KLF12: variants seen among roughly 807,000 people sequenced by gnomAD.
KLF12 encodes KLF transcription factor 12.
KLF12 carries 9 observed loss-of-function variants against 37.8 expected under a neutral mutation model. That is an observed-to-expected ratio of 0.24 (90% CI 0.14 to 0.42). KLF12 has a LOEUF of 0.42. Among genes scored for constraint, KLF12 ranks in the 10% least tolerant of loss-of-function variants. The probability of loss-of-function intolerance (pLI) is 1.00; values close to 1 mark genes in which losing one functional copy is unlikely to be tolerated. For missense variants in KLF12, 411 were observed against 516.0 expected, an observed-to-expected ratio of 0.80 and a Z score of 1.97; for synonymous variants, 208 against 202.1, an observed-to-expected ratio of 1.03 and a Z score of -0.25.
intron 1 of KLF12, among the ~76,000 whole-genome samples, chr13:74,059,228 A>C (rs1239697803): frequency 6.6e-6 from 1 of 152,212 alleles, no homozygotes; most frequent in Non-Finnish European, 1.5e-5. Flanking sequence ...TGCTATTGTG[A>C]ATAGTGCTGC....
the KLF12 span, among the ~76,000 whole-genome samples, chr13:74,190,780 C>G: frequency 6.6e-6 from 1 of 152,066 alleles, no homozygotes; most frequent in African/African-American, 2.4e-5. Context: ...TTACATTTTC[C>G]TGATGGAAGT....
At chr13:73,985,471 C>G (rs1891804007) in intron 2 of KLF12, among the ~76,000 whole-genome samples, 1 of 152,138 alleles carries the variant, frequency 6.6e-6, no homozygotes, top group African/African-American at 2.4e-5. Flanking sequence ...GGTGCAAGGC[C>G]GACAACCAGT....
intron 1 of KLF12, among the ~76,000 whole-genome samples, chr13:74,089,863 G>C (rs954905936): frequency 1.2e-4 from 18 of 148,224 alleles, no homozygotes; most frequent in African/African-American, 4.2e-4. Flanking sequence ...AAAGATAGAT[G>C]CTTTACCCCT....
chr13:74,256,015 C>T, the KLF12 span, among the ~76,000 whole-genome samples: 5 of 152,066 alleles, frequency 3.3e-5, no homozygotes, highest in South Asian at 2.1e-4. Context: ...ATTAGCCAGG[C>T]GTGGTGGCGG....
At chr13:74,154,168 G>C in the KLF12 span, among the ~76,000 whole-genome samples, 2 of 151,254 alleles carry the variant, frequency 1.3e-5, no homozygotes, top group South Asian at 4.2e-4. Flanking sequence ...CTGGGAGGCA[G>C]AGGTTGCAGT....
At chr13:73,722,032 C>T (rs1403961275) in intron 6 of KLF12, among the ~76,000 whole-genome samples, 1 of 151,948 alleles carries the variant, frequency 6.6e-6, no homozygotes, top group East Asian at 1.9e-4. Flanking sequence ...GTTGGTTGCA[C>T]GATAGAATTA....
chr13:73,853,260 A>C (rs542576204), intron 3 of KLF12, among the ~76,000 whole-genome samples: 5 of 152,296 alleles, frequency 3.3e-5, no homozygotes, highest in Non-Finnish European at 5.9e-5. Flanking sequence ...TTACTTCCTA[A>C]TAGTTATATT....
chr13:74,059,342 T>C (rs964661137), intron 1 of KLF12, among the ~76,000 whole-genome samples: 2 of 152,220 alleles, frequency 1.3e-5, no homozygotes, highest in Admixed American at 1.3e-4. Flanking sequence ...TATTTTTAGT[T>C]TCTTGAGAAA....
rs537974999 is a variant in KLF12 at position 73,943,890 on chromosome 13, C to T, written c.123+91G>A. ...AGAGAAAAGCTTAAGCAAGGGAAAC[C>T]GTAGAAGTGCTCTGCAAACCTCAGG... On this transcript the variant is annotated intron_variant, in intron 3 of 7. Transcript: ENST00000377669. The T allele has an allele frequency of 2.7e-5, 21 of 779,954 alleles. 1 individual carries two copies. The highest frequency in any genetic ancestry group is 1.4e-4 in the South Asian group (9 of 63,152). 48.3% of individuals were successfully genotyped at this position (779,954 alleles called of 1,614,324 possible).
intron 7 of KLF12, among the ~76,000 whole-genome samples, chr13:73,698,043 G>A (rs1874272636): frequency 6.6e-6 from 1 of 152,030 alleles, no homozygotes; most frequent in Non-Finnish European, 1.5e-5. Context: ...TGTAGTTCCA[G>A]CTACTGGGGA....
intron 1 of KLF12, among the ~76,000 whole-genome samples, chr13:74,025,180 C>G (rs1321280194): frequency 1.3e-5 from 2 of 152,190 alleles, no homozygotes; most frequent in Non-Finnish European, 2.9e-5. Flanking sequence ...ATCTCTATCA[C>G]TTGCCTTTGC....
At chr13:74,187,852 A>G in the KLF12 span, among the ~76,000 whole-genome samples, 1 of 152,162 alleles carries the variant, frequency 6.6e-6, no homozygotes, top group Non-Finnish European at 1.5e-5. Context: ...TTAGACACTG[A>G]CAAACCCAAG....
the KLF12 span, among the ~76,000 whole-genome samples, chr13:74,201,632 C>G: frequency 1.3e-5 from 2 of 152,096 alleles, no homozygotes; most frequent in African/African-American, 4.8e-5. Flanking sequence ...CATGATGAAC[C>G]TGCCTCTCAT....
intron 1 of KLF12, among the ~76,000 whole-genome samples, chr13:74,067,710 A>G (rs2138684099): frequency 6.6e-6 from 1 of 151,954 alleles, no homozygotes; most frequent in Non-Finnish European, 1.5e-5. Context: ...AGTTTTAAAA[A>G]TTACATTTTG....
In KLF12 at chr13:73,935,368, T is replaced by C. The variant is rs146565233; in HGVS notation, c.123+8613A>G. Among the ~76,000 whole-genome samples, 257 of 152,282 alleles carry C rather than the reference T, an allele frequency of 1.7e-3. 2 individuals are homozygous for C. Among genetic ancestry groups the C allele is most frequent in the African/African-American group, 5.7e-3 (237 of 41,564 alleles). ...GTATCTATTAATGTCATCCACTGTA[T>C]TTTTAAAATTTTAAATACAGTATGA... On this transcript the variant is annotated intron_variant, in intron 3 of 7. Coordinates refer to ENST00000377669, the MANE Select transcript of KLF12 (RefSeq NM_007249.5).
rs550850699 is a variant in KLF12 at position 73,781,145 on chromosome 13, C to T, written c.807-16145G>A. Among the ~76,000 whole-genome samples, 166 of 152,292 alleles carry T rather than the reference C, an allele frequency of 1.1e-3. 1 individual carries two copies. Among genetic ancestry groups the T allele is most frequent in the African/African-American group, 2.4e-3 (98 of 41,556 alleles). ...GTCTTGCCTCCAGCAAAAAGAAATA[C>T]GACTCGCTGAAACCTCAGATGATCA... On this transcript the variant is annotated intron_variant, in intron 5 of 7. Transcript: ENST00000377669.
At chr13:73,939,261 C>T (rs1890085332) in intron 3 of KLF12, among the ~76,000 whole-genome samples, 1 of 152,180 alleles carries the variant, frequency 6.6e-6, no homozygotes, top group South Asian at 2.1e-4. Context: ...GAGTCCTCTG[C>T]ACCTATGTAG....
chr13:74,053,216 T>A (rs906433546), intron 1 of KLF12, among the ~76,000 whole-genome samples: 17 of 152,158 alleles, frequency 1.1e-4, no homozygotes, highest in African/African-American at 4.1e-4. Context: ...ACAGCATTGA[T>A]AGTGAAAAAT....
chr13:73,823,168 T>G (rs997562914), intron 4 of KLF12, among the ~76,000 whole-genome samples: 13 of 152,154 alleles, frequency 8.5e-5, no homozygotes, highest in Non-Finnish European at 1.8e-4. Flanking sequence ...GTTTGTGTAC[T>G]GAGTAAAATG....
Sources: allele counts gnomAD v4.1 joint callset (sites outside exome capture counted in the v4.1 genomes callset), GRCh38; gene constraint gnomAD v4.1.1; transcripts MANE v1.5; gene names NCBI Gene and HGNC (gene_info 2026-07-23, HGNC 2026-07-21).